GRIK2: variants seen among roughly 807,000 people sequenced by gnomAD.
The protein encoded by GRIK2 is glutamate receptor ionotropic, kainate 2.
In GRIK2, 32 loss-of-function variants were observed where a neutral mutation model predicts 100.3. The ratio of observed to expected loss-of-function variants is 0.32; its 90% confidence interval spans 0.24 to 0.43. GRIK2 has a LOEUF of 0.43. GRIK2 is among the 20% of genes least tolerant of loss of function. The pLI is 1.00. For missense variants in GRIK2, 843 were observed against 1,114.9 expected (o/e 0.76, Z 3.47); for synonymous variants, 417 against 389.4 (o/e 1.07, Z -0.83).
intron 7 of GRIK2, among the ~76,000 whole-genome samples, chr6:101,715,620 G>GT (rs1357513599): frequency 6.6e-6 from 1 of 151,796 alleles, no homozygotes; most frequent in African/African-American, 2.4e-5. Context: ...GCCCATAAAT[G>GT]TTCTAGGTAT....
chr6:101,875,406 A>G (rs1050652878), intron 11 of GRIK2, among the ~76,000 whole-genome samples: 3 of 151,898 alleles, frequency 2.0e-5, no homozygotes, highest in Non-Finnish European at 2.9e-5. Flanking sequence ...TAATCTACAC[A>G]TACTATTTTT....
At chr6:102,056,984 G>C (rs766584685) in intron 16 of GRIK2, among the ~76,000 whole-genome samples, 4 of 151,782 alleles carry the variant, frequency 2.6e-5, no homozygotes, top group Non-Finnish European at 5.9e-5. Context: ...CTCAAATATT[G>C]GTTGCATTTG....
intron 15 of GRIK2, 79 bp downstream of exon 15, chr6:102,035,645 G>A (rs1043412676): frequency 4.2e-5 from 32 of 760,552 alleles, no homozygotes; most frequent in Non-Finnish European, 6.3e-5. Flanking sequence ...GTGTGTCCAC[G>A]TATGCCATTA....
chr6:101,858,016 G>A (rs544659262), intron 10 of GRIK2, among the ~76,000 whole-genome samples: 19 of 152,252 alleles, frequency 1.2e-4, no homozygotes, highest in South Asian at 1.0e-3. Context: ...TGTTTTCAGA[G>A]TTTCAAGTGT....
intron 2 of GRIK2, among the ~76,000 whole-genome samples, chr6:101,586,629 G>A (rs1487054742): frequency 3.3e-5 from 5 of 151,978 alleles, no homozygotes; most frequent in Admixed American, 3.3e-4. Context: ...AGCACTTTGA[G>A]GGGCTGAGGC....
intron 12 of GRIK2, chr6:101,891,563 C>T: frequency 2.7e-6 from 1 of 367,858 alleles, no homozygotes; most frequent in Non-Finnish European, 5.2e-6. Context: ...TATATATTTG[C>T]ACACAGATAA....
intron 14 of GRIK2, among the ~76,000 whole-genome samples, chr6:101,968,179 T>C (rs1226391364): frequency 6.6e-6 from 1 of 151,848 alleles, no homozygotes; most frequent in Non-Finnish European, 1.5e-5. Flanking sequence ...ACTGAACACA[T>C]GATGAAGATT....
chr6:101,514,107 G>GT (rs750716688), intron 2 of GRIK2, among the ~76,000 whole-genome samples: 1 of 152,050 alleles, frequency 6.6e-6, no homozygotes, highest in Non-Finnish European at 1.5e-5. Context: ...ATAACCAAAG[G>GT]TAATTATAAG....
chr6:101,760,838 A>T (rs972378344), intron 7 of GRIK2, among the ~76,000 whole-genome samples: 2 of 148,938 alleles, frequency 1.3e-5, no homozygotes, highest in African/African-American at 2.5e-5. Context: ...TATCAAGTAC[A>T]ATCTATGAAA....
At chr6:101,411,004 C>T (rs1775862186) in intron 2 of GRIK2, among the ~76,000 whole-genome samples, 1 of 152,014 alleles carries the variant, frequency 6.6e-6, no homozygotes, top group African/African-American at 2.4e-5. Flanking sequence ...TGGAAACAGC[C>T]TTCCCATGAT....
chr6:102,028,409 T>C (rs1025734289), intron 14 of GRIK2, among the ~76,000 whole-genome samples: 2 of 151,320 alleles, frequency 1.3e-5, no homozygotes, highest in African/African-American at 4.8e-5. Context: ...CTTACAAGCC[T>C]CGGCATTTTT....
chr6:101,845,914 A>T (rs1783780352), intron 10 of GRIK2, among the ~76,000 whole-genome samples: 1 of 152,070 alleles, frequency 6.6e-6, no homozygotes, highest in Non-Finnish European at 1.5e-5. Flanking sequence ...ATGACTAATG[A>T]TGTTGAGCAT....
chr6:101,530,992 C>T lies in GRIK2; in HGVS notation c.116-90957C>T, dbSNP rs1217019906. On this transcript the variant is annotated intron_variant, in intron 2 of 16. Coordinates refer to ENST00000369134, the MANE Select transcript of GRIK2 (RefSeq NM_021956.5). ...CATTAGTGATAAAGGTTCAGAGAATCGGAATGTGAGATCTGAAAGTGATCA... is the reference window on the plus strand; with the variant it reads ...CATTAGTGATAAAGGTTCAGAGAATTGGAATGTGAGATCTGAAAGTGATCA... Among the ~76,000 whole-genome samples the T allele has an allele frequency of 3.3e-5, 5 of 151,904 alleles. No homozygotes were observed. In the East Asian group the frequency reaches 7.7e-4, roughly 24 times the overall value.
At chr6:101,495,203 A>G (rs1205904324) in intron 2 of GRIK2, among the ~76,000 whole-genome samples, 3 of 151,694 alleles carry the variant, frequency 2.0e-5, no homozygotes, top group African/African-American at 2.4e-5. Context: ...TCTCTCATTT[A>G]GCCTTTAAGT....
At chr6:101,938,854 A>C (rs938372638) in intron 14 of GRIK2, among the ~76,000 whole-genome samples, 7 of 152,026 alleles carry the variant, frequency 4.6e-5, no homozygotes, top group African/African-American at 1.2e-4. Context: ...GTTGGCGATA[A>C]AATGTACTTT....
intron 11 of GRIK2, among the ~76,000 whole-genome samples, chr6:101,878,299 G>T (rs910098857): frequency 2.0e-5 from 3 of 150,264 alleles, no homozygotes; most frequent in Admixed American, 1.3e-4. Flanking sequence ...GTAAAAGTTT[G>T]CATTCTCAAT....
chr6:101,859,166 A>G, intron 10 of GRIK2, 121 bp from the exon 11 acceptor site: 1 of 585,274 alleles, frequency 1.7e-6, no homozygotes, highest in Non-Finnish European at 3.0e-6. Context: ...TTAGAAGAAA[A>G]TAAAGTTGAC....
At position 101,682,656 on chromosome 6, in the gene GRIK2, T is replaced by C. The variant is rs1458966809; in HGVS notation, c.777+50T>C. The C allele has an allele frequency of 3.8e-6, 3 of 799,268 alleles. No homozygotes were observed. In the Admixed American group the frequency reaches 7.3e-5, roughly 19 times the overall value. The allele number at this position is 799,268 out of a possible 1,614,324, so 49.5% of individuals were successfully genotyped here. The stretch of plus-strand genomic sequence containing the variant: ...GTTCTGAATTTTATTATTATGACTT[T>C]TTCAGATGAAAAATAGGTTTTTTAG... On this transcript the variant is annotated intron_variant, in intron 6 of 16. Transcript: ENST00000369134.
At chr6:101,715,089 G>T (rs1028719990) in intron 7 of GRIK2, among the ~76,000 whole-genome samples, 4 of 151,610 alleles carry the variant, frequency 2.6e-5, no homozygotes, top group African/African-American at 9.7e-5. Flanking sequence ...TATAGGCTTT[G>T]CCTGAAGTGT....
Sources: gnomAD v4.1 joint callset for allele counts (sites outside exome capture counted in the v4.1 genomes callset) on GRCh38, gnomAD v4.1.1 for gene constraint, MANE v1.5 for transcripts, NCBI Gene and HGNC (gene_info 2026-07-23, HGNC 2026-07-21) for gene names.